The following EPHX1 variants were observed in gnomAD, a reference collection of about 807,000 sequenced individuals.
EPHX1 encodes the protein epoxide hydrolase 1, also known as epoxide hydratase.
In EPHX1, 40 loss-of-function variants were observed where a neutral mutation model predicts 43.2. The observed-to-expected ratio is 0.93, with a 90% confidence interval of 0.72 to 1.21. The LOEUF (loss-of-function observed/expected upper bound fraction) is 1.21. Ranked by LOEUF, EPHX1 falls within the 50% of genes most tolerant of loss-of-function variation. The probability of loss-of-function intolerance (pLI) is 0.00; values close to 1 mark genes in which losing one functional copy is unlikely to be tolerated. For missense variants in EPHX1, 550 were observed against 570.4 expected, an observed-to-expected ratio of 0.96 and a Z score of 0.36; for synonymous variants, 221 against 226.7, an observed-to-expected ratio of 0.98 and a Z score of 0.22.
chr1:225,831,346 C>G (rs537174798), intron 2 of EPHX1, among the ~76,000 whole-genome samples: 1 of 152,216 alleles, frequency 6.6e-6, no homozygotes, highest in East Asian at 1.9e-4. Context: ...GCCAGGAGTT[C>G]AAGACCAGCC....
chr1:225,845,060 C>A, intron 8 of EPHX1, 86 bp from the exon 9 acceptor site: 2 of 1,433,418 alleles, frequency 1.4e-6, no homozygotes, highest in Non-Finnish European at 9.8e-7. Flanking sequence ...GCTGATCTCA[C>A]CCCCAGGCGC....
intron 8 of EPHX1, among the ~76,000 whole-genome samples, chr1:225,844,834 A>G (rs1036360106): frequency 1.3e-5 from 2 of 152,144 alleles, no homozygotes; most frequent in African/African-American, 2.4e-5. Flanking sequence ...GGCGGCCCTC[A>G]GTACCGCTCC....
At chr1:225,828,542 A>G (rs1326952895) in intron 1 of EPHX1, among the ~76,000 whole-genome samples, 183 bp from the exon 2 acceptor site, 1 of 148,522 alleles carries the variant, frequency 6.7e-6, no homozygotes, top group Admixed American at 6.8e-5. Context: ...TTTATACTAT[A>G]TATAATATGT....
chr1:225,823,562 C>G (rs1667080031), intron 1 of EPHX1, among the ~76,000 whole-genome samples: 1 of 152,206 alleles, frequency 6.6e-6, no homozygotes, highest in Non-Finnish European at 1.5e-5. Context: ...AGTTCCTCTC[C>G]AGCTTCCATG....
chr1:225,838,646 C>T lies in EPHX1; in HGVS notation c.365-8C>T, dbSNP rs1252363453. On this transcript the variant is annotated splice_region_variant and splice_polypyrimidine_tract_variant and intron_variant, in intron 3 of 8. Coordinates refer to ENST00000272167, the MANE Select transcript of EPHX1 (RefSeq NM_001136018.4). ...TCCCTCCACCCTGACTGTGCTCTGT[C>T]CCCCCAGGGCTGGACATCCACTTCA... The T allele has an allele frequency of 1.2e-6, 2 of 1,610,848 alleles. No individual in the cohort carries two copies. Among genetic ancestry groups the T allele is most frequent in the South Asian group, 1.1e-5 (1 of 91,002 alleles).
At chr1:225,819,414 T>A (rs1055460285) in intron 1 of EPHX1, among the ~76,000 whole-genome samples, 1 of 146,322 alleles carries the variant, frequency 6.8e-6, no homozygotes, top group African/African-American at 2.6e-5. Flanking sequence ...AAAAAAAAAA[T>A]GTTTTAAAAA....
chr1:225,839,113 A>G, intron 4 of EPHX1, 104 bp from the exon 5 acceptor site: 1 of 1,576,386 alleles, frequency 6.3e-7, no homozygotes, highest in Non-Finnish European at 8.6e-7. Flanking sequence ...TCTGACCTCC[A>G]CCTGGGGGTA....
chr1:225,840,049 C>A lies in EPHX1; in HGVS notation c.931+12C>A. The A allele has an allele frequency of 6.2e-7, 1 of 1,613,462 alleles. No homozygotes were observed. The highest frequency in any genetic ancestry group is 1.1e-5 in the South Asian group (1 of 91,024). On this transcript the variant is annotated intron_variant, in intron 6 of 8. Coordinates refer to ENST00000272167, the MANE Select transcript of EPHX1 (RefSeq NM_001136018.4). ...GCCTGACACCGTAGGTGAGTGTGCT[C>A]AGGGGTCCTCGCCCACTGCCGGCTC...
At chr1:225,837,235 A>T (rs1668014356) in intron 3 of EPHX1, among the ~76,000 whole-genome samples, 1 of 152,230 alleles carries the variant, frequency 6.6e-6, no homozygotes, top group Admixed American at 6.5e-5. Context: ...TTCTACAGTA[A>T]ACATGTATTA....
At chr1:225,826,240 G>T (rs923631842) in intron 1 of EPHX1, among the ~76,000 whole-genome samples, 1 of 152,016 alleles carries the variant, frequency 6.6e-6, no homozygotes, top group Non-Finnish European at 1.5e-5. Context: ...GAGGTGGGCG[G>T]ATCGCTGGAG....
In EPHX1 at chr1:225,839,952, G is replaced by A; in HGVS notation, c.846G>A (p.Leu282=). ...LGLTERDVEL[L]YPVKEKVFYS... is the part of the protein sequence containing the mutation. ...TCACTGAGAGGGATGTGGAGCTGCT[G>A]TACCCCGTCAAGGAGAAGGTATTCT... is the stretch of plus-strand genomic sequence containing the variant. The change falls in exon 6 of 9, where the codon CTG becomes CTA. Residue 282 remains leucine (L), a synonymous_variant. Coordinates refer to ENST00000272167, the MANE Select transcript of EPHX1 (RefSeq NM_001136018.4). 1 of 1,614,240 alleles carries A rather than the reference G, an allele frequency of 6.2e-7. No individual in the cohort carries two copies. Among genetic ancestry groups the A allele is most frequent in the Non-Finnish European group, 8.5e-7 (1 of 1,180,042 alleles).
At chr1:225,838,279 C>G (rs1240804682) in intron 3 of EPHX1, among the ~76,000 whole-genome samples, 1 of 152,160 alleles carries the variant, frequency 6.6e-6, no homozygotes, top group Non-Finnish European at 1.5e-5. Flanking sequence ...TTCTCCCTAC[C>G]CTCCAGATTT....
intron 3 of EPHX1, among the ~76,000 whole-genome samples, chr1:225,832,343 C>G (rs1667657460): frequency 6.6e-6 from 1 of 152,056 alleles, no homozygotes; most frequent in South Asian, 2.1e-4. Flanking sequence ...TTCAAGCAGC[C>G]TGGCCAAGAT....
chr1:225,839,717 G>A (rs1040129523), intron 5 of EPHX1, 112 bp from the exon 6 acceptor site: 3 of 1,186,550 alleles, frequency 2.5e-6, no homozygotes, highest in African/African-American at 1.5e-5. Flanking sequence ...GCTGAAAGAG[G>A]CTGGCTCTGT....
intron 1 of EPHX1, among the ~76,000 whole-genome samples, chr1:225,825,971 G>A (rs958399245): frequency 2.0e-5 from 3 of 152,224 alleles, no homozygotes; most frequent in Admixed American, 6.5e-5. Context: ...GGATTTCCTG[G>A]CAGAGACATA....
chr1:225,816,879 T>G (rs1666749276), intron 1 of EPHX1, among the ~76,000 whole-genome samples: 1 of 152,216 alleles, frequency 6.6e-6, no homozygotes, highest in African/African-American at 2.4e-5. Flanking sequence ...ATTGTTTTCT[T>G]TCTATCTCTC....
chr1:225,834,097 C>G (rs1314914508), intron 3 of EPHX1, among the ~76,000 whole-genome samples: 1 of 56,938 alleles, frequency 1.8e-5, no homozygotes, highest in Non-Finnish European at 3.0e-5. Flanking sequence ...GACTCTGTCT[C>G]AAAAAAAAAA....
chr1:225,811,646 T>C (rs1167280659), intron 1 of EPHX1, among the ~76,000 whole-genome samples: 1 of 152,220 alleles, frequency 6.6e-6, no homozygotes, highest in Non-Finnish European at 1.5e-5. Context: ...AAAGTAACAT[T>C]GTTTTCTGGT....
intron 7 of EPHX1, 132 bp downstream of exon 7, chr1:225,842,606 C>A: frequency 1.3e-6 from 1 of 778,968 alleles, no homozygotes. Flanking sequence ...TCTTACAAAT[C>A]CTCACCCTGT....
Sources: gnomAD v4.1 joint callset for allele counts (sites outside exome capture counted in the v4.1 genomes callset) on GRCh38, gnomAD v4.1.1 for gene constraint, MANE v1.5 for transcripts, NCBI Gene and HGNC (gene_info 2026-07-23, HGNC 2026-07-21) for gene names.